FAM114A2: variants seen among roughly 807,000 people sequenced by gnomAD.
The protein encoded by FAM114A2 is protein FAM114A2.
A neutral mutation model predicts 58.4 loss-of-function variants in FAM114A2; 53 were observed. The observed-to-expected ratio is 0.91, with a 90% CI of 0.73 to 1.14. The LOEUF is 1.14. Among genes scored for constraint, FAM114A2 ranks in the 50% most tolerant of loss-of-function variants. The probability of loss-of-function intolerance (pLI) is 0.00; values close to 1 mark genes in which losing one functional copy is unlikely to be tolerated. For synonymous variants in FAM114A2, 228 were observed against 211.4 expected, an observed-to-expected ratio of 1.08 and a Z score of -0.68; for missense variants, 601 against 581.1, an observed-to-expected ratio of 1.03 and a Z score of -0.35.
At chr5:154,024,812 A>C (rs1771672797) in intron 8 of FAM114A2, among the ~76,000 whole-genome samples, 1 of 152,190 alleles carries the variant, frequency 6.6e-6, no homozygotes, top group Admixed American at 6.6e-5. Flanking sequence ...CAGACTTTCC[A>C]AATGCTGACA....
At chr5:154,025,774 G>C (rs1022657580) in intron 8 of FAM114A2, among the ~76,000 whole-genome samples, 4 of 151,938 alleles carry the variant, frequency 2.6e-5, no homozygotes, top group Admixed American at 2.0e-4. Flanking sequence ...ACAACCCTTA[G>C]AACTTAATAT....
At chr5:154,030,131 G>A (rs1772083257) in intron 4 of FAM114A2, among the ~76,000 whole-genome samples, 1 of 152,076 alleles carries the variant, frequency 6.6e-6, no homozygotes, top group Admixed American at 6.5e-5. Flanking sequence ...ATGTAAAACT[G>A]TACACCTAAA....
In FAM114A2 at chr5:154,035,098, C is replaced by A. The variant is rs1008302797; in HGVS notation, c.-14-131G>T. The A allele has an allele frequency of 1.5e-5, 9 of 597,732 alleles. No homozygotes were observed. In the Admixed American group the frequency reaches 1.9e-4, roughly 12 times the overall value. 37.0% of individuals were successfully genotyped at this position (597,732 alleles called of 1,614,324 possible). ...AGGAATAATACAGAGATCCCATATACCTTCATCCAGTTTCCCCCAATGGTA... is the reference window on the plus strand; with the variant it reads ...AGGAATAATACAGAGATCCCATATAACTTCATCCAGTTTCCCCCAATGGTA... On this transcript the variant is annotated intron_variant, in intron 1 of 13. Coordinates refer to ENST00000351797, the MANE Select transcript of FAM114A2 (RefSeq NM_018691.4).
intron 8 of FAM114A2, among the ~76,000 whole-genome samples, chr5:154,022,846 T>C (rs541287951): frequency 1.3e-5 from 2 of 152,346 alleles, no homozygotes; most frequent in East Asian, 3.9e-4. Context: ...CATATGTTTA[T>C]TGTAGCACTA....
intron 8 of FAM114A2, among the ~76,000 whole-genome samples, chr5:154,012,647 CAGAGAA>C (rs1770774505): frequency 6.6e-6 from 1 of 152,262 alleles, no homozygotes; most frequent in Admixed American, 6.5e-5. Flanking sequence ...GTGTTTAAGG[CAGAGAA>C]TTAAATGATT....
chr5:154,020,626 A>C (rs1581809611), intron 8 of FAM114A2, among the ~76,000 whole-genome samples: 2 of 152,204 alleles, frequency 1.3e-5, no homozygotes, highest in South Asian at 4.1e-4. Flanking sequence ...CAGAGCAATA[A>C]CAGCCTCTGA....
chr5:154,002,278 G>A lies in FAM114A2; in HGVS notation c.1229C>T (p.Ala410Val), dbSNP rs758154392. The A allele has an allele frequency of 1.2e-6, 2 of 1,613,850 alleles. No individual in the cohort carries two copies. Among genetic ancestry groups the A allele is most frequent in the Non-Finnish European group, 1.7e-6 (2 of 1,179,782 alleles). The change falls in exon 11 of 14, where the codon GCC becomes GTC. Residue 410 changes from alanine (A) to valine (V), a missense_variant. Coordinates refer to ENST00000351797, the MANE Select transcript of FAM114A2 (RefSeq NM_018691.4). ...VLHGRKQEVT[A>V]IERSQTLSQM... ...GGAAAGAGTTTGGCTCCTTTCTATG[G>A]CTGTCACTTCCTGCTTCCTGCCATG...
rs1287300644 is a variant in FAM114A2, at chr5:153,990,602, G to C, written c.*2374C>G. ...AAAGGAAAATAAAAATTGTTTCATA[G>C]AGGTTTCTACTTCTTTCAGATCAAA... On this transcript the variant is annotated 3_prime_UTR_variant, in exon 14 of 14. Coordinates refer to ENST00000351797, the MANE Select transcript of FAM114A2 (RefSeq NM_018691.4). 6.6e-6 allele frequency: 1 copy of C among 151,746 alleles called. No homozygotes were observed. The highest frequency in any genetic ancestry group is 2.4e-5 in the African/African-American group (1 of 41,290). 9.4% of individuals were successfully genotyped at this position (151,746 alleles called of 1,614,324 possible).
chr5:154,002,916 T>C lies in FAM114A2; in HGVS notation c.1047A>G (p.Ala349=). ...ACTGTTTTTCTCCTTCTTCATTCTC[T>C]GCTAATGGCTTGGTCAGAGACTTCC... ...WIRKSLTKPL[A]ENEEGEKQSE... is the part of the protein sequence containing the mutation. Residue 349 remains alanine (A), a synonymous_variant, in exon 10 of 14, where the codon GCA becomes GCG. Coordinates refer to ENST00000351797, the MANE Select transcript of FAM114A2 (RefSeq NM_018691.4). 1.2e-6 allele frequency: 2 copies of C among 1,614,040 alleles called. No homozygotes were observed. Among genetic ancestry groups the C allele is most frequent in the Non-Finnish European group, 1.7e-6 (2 of 1,179,872 alleles).
intron 8 of FAM114A2, among the ~76,000 whole-genome samples, chr5:154,021,245 G>T (rs1771400794): frequency 6.6e-6 from 1 of 152,174 alleles, no homozygotes; most frequent in Admixed American, 6.5e-5. Context: ...ACAAGACAGG[G>T]ATGCCCTCTC....
chr5:154,027,346 TGGAGGC>T lies in FAM114A2; in HGVS notation c.631-18_631-13del. ...GCCTCTCGTAAAACCTAAAAAGAGA[TGGAGGC>T]ATTACACTGTAGCAAACAATGAGAG... On this transcript the variant is annotated splice_polypyrimidine_tract_variant and intron_variant, in intron 6 of 13. Coordinates refer to ENST00000351797, the MANE Select transcript of FAM114A2 (RefSeq NM_018691.4). The T allele has an allele frequency of 6.2e-7, 1 of 1,607,082 alleles. No homozygotes were observed. Among genetic ancestry groups the T allele is most frequent in the African/African-American group, 1.3e-5 (1 of 74,588 alleles).
chr5:154,003,688 C>A (rs955209577), intron 9 of FAM114A2, among the ~76,000 whole-genome samples: 1 of 152,102 alleles, frequency 6.6e-6, no homozygotes. Context: ...AAAGACAAAC[C>A]CTCTTCTGCT....
rs545971476 is a variant in FAM114A2 at position 154,011,646 on chromosome 5, T to C, written c.914-326A>G. 7.2e-5 allele frequency among the ~76,000 whole-genome samples: 11 copies of C among 152,292 alleles called. No homozygotes were observed. In the South Asian group the frequency reaches 1.2e-3, roughly 17 times the overall value. On this transcript the variant is annotated intron_variant, in intron 8 of 13. Coordinates refer to ENST00000351797, the MANE Select transcript of FAM114A2 (RefSeq NM_018691.4). ...CAAACCTTAGTCTTCCTACTCCCAGTCCAAACCCTGTGCTGTGCTTTTTGC... is the reference window on the plus strand; with the variant it reads ...CAAACCTTAGTCTTCCTACTCCCAGCCCAAACCCTGTGCTGTGCTTTTTGC...
chr5:153,990,761 T>C lies in FAM114A2; in HGVS notation c.*2215A>G, dbSNP rs1769220113. Reference sequence around the variant, plus strand: ...TGGAAAGGCATATATTAGTAATTAGTGGTAAATCTTAGACACCAAAAATTT... The same window carrying C: ...TGGAAAGGCATATATTAGTAATTAGCGGTAAATCTTAGACACCAAAAATTT... On this transcript the variant is annotated 3_prime_UTR_variant, in exon 14 of 14. Coordinates refer to ENST00000351797, the MANE Select transcript of FAM114A2 (RefSeq NM_018691.4). 4 of 152,150 alleles carry C rather than the reference T, an allele frequency of 2.6e-5. No individual in the cohort carries two copies. Among genetic ancestry groups the C allele is most frequent in the Admixed American group, 2.6e-4 (4 of 15,270 alleles). 9.4% of individuals were successfully genotyped at this position (152,150 alleles called of 1,614,324 possible).
At chr5:153,995,094 T>C in intron 12 of FAM114A2, 122 bp from the exon 13 acceptor site, 2 of 652,816 alleles carry the variant, frequency 3.1e-6, no homozygotes, top group South Asian at 3.9e-5. Flanking sequence ...AGCACAGAAG[T>C]CTGGACTGAG....
chr5:153,998,473 C>T (rs776580967), intron 11 of FAM114A2, among the ~76,000 whole-genome samples: 81 of 152,192 alleles, frequency 5.3e-4, no homozygotes, highest in Non-Finnish European at 9.0e-4. Flanking sequence ...TGAGTTCTCA[C>T]TCTGGGGGGA....
At chr5:154,027,424 T>TA in intron 6 of FAM114A2, 90 bp from the exon 7 acceptor site, 1 of 1,154,538 alleles carries the variant, frequency 8.7e-7, no homozygotes, top group Non-Finnish European at 1.2e-6. Context: ...CTTAGACAGG[T>TA]TAGAGTACAG....
At chr5:154,010,241 G>A (rs572952847) in intron 9 of FAM114A2, among the ~76,000 whole-genome samples, 22 of 152,250 alleles carry the variant, frequency 1.4e-4, no homozygotes, top group Non-Finnish European at 3.1e-4. Flanking sequence ...TACTGGATTT[G>A]CATAAAAGGT....
rs1772449449 is a variant in FAM114A2, at chr5:154,034,934, A to G, written c.20T>C (p.Ile7Thr). 3 of 1,613,628 alleles carry G rather than the reference A, an allele frequency of 1.9e-6. No homozygotes were observed. The highest frequency in any genetic ancestry group is 1.1e-5 in the South Asian group (1 of 91,074). Residue 7 changes from isoleucine to threonine, a missense_variant, in exon 2 of 14, where the codon ATT (isoleucine) becomes ACT (threonine). Coordinates refer to ENST00000351797, the MANE Select transcript of FAM114A2 (RefSeq NM_018691.4). ...TGCTTCAGTTAGCAGTGGAGTCTCAATATCATCTTTATCTGACATGATTAG... is the reference window on the plus strand; with the variant it reads ...TGCTTCAGTTAGCAGTGGAGTCTCAGTATCATCTTTATCTGACATGATTAG... The part of the protein sequence containing the change: MSDKDD[I>T]ETPLLTEAAP...
Sources: allele counts gnomAD v4.1 joint callset (sites outside exome capture counted in the v4.1 genomes callset), GRCh38; gene constraint gnomAD v4.1.1; transcripts MANE v1.5; gene names NCBI Gene and HGNC (gene_info 2026-07-23, HGNC 2026-07-21).